Variants in FBXL18 observed in about 807,000 individuals in gnomAD.
The protein encoded by FBXL18 is F-box/LRR-repeat protein 18.
In FBXL18, 36 loss-of-function variants were observed where a neutral mutation model predicts 46.0. The ratio of observed to expected loss-of-function variants is 0.78; its 90% CI spans 0.60 to 1.03. The LOEUF (loss-of-function observed/expected upper bound fraction) is 1.03, where lower values mean the gene tolerates loss of function less well. FBXL18 is among the 50% of genes least tolerant of loss of function. The pLI, the probability that FBXL18 is intolerant of heterozygous loss-of-function variation, is 0.00. For synonymous variants in FBXL18, 557 were observed against 465.3 expected (o/e 1.20, Z -2.54); for missense variants, 977 against 1,004.1 (o/e 0.97, Z 0.36).
Position 5,501,562 on chromosome 7 carries a change from C to T in FBXL18, c.707G>A (p.Arg236His), listed in dbSNP as rs1382385351. 3 of 1,613,852 alleles carry T rather than the reference C, an allele frequency of 1.9e-6. No individual in the cohort carries two copies. The highest frequency in any genetic ancestry group is 1.7e-5 in the Admixed American group (1 of 60,014). Reference sequence around the variant, plus strand: ...CTGGTTGATGTAGCCGGGGGCCAGGCGCGCATAGAAGACCCGCAGGTTCTG... The same window carrying T: ...CTGGTTGATGTAGCCGGGGGCCAGGTGCGCATAGAAGACCCGCAGGTTCTG... ...HYQNLRVFYA[R>H]LAPGYINQEV... Residue 236 changes from arginine to histidine, a missense_variant, in exon 3 of 5, where the codon CGC (arginine) becomes CAC (histidine). Arg to His is a conservative substitution (Grantham distance 29). Transcript: ENST00000382368.
chr7:5,464,721 G>A (rs2128231332), intron 4 of FBXL18, among the ~76,000 whole-genome samples: 1 of 144,048 alleles, frequency 6.9e-6, no homozygotes, highest in Non-Finnish European at 1.5e-5. Context: ...AAAAAAGTGG[G>A]TGGGAGCATG....
rs192049463 is a variant in FBXL18 at position 5,497,336 on chromosome 7, A to G, written c.1781+3152T>C. The stretch of plus-strand genomic sequence containing the variant: ...TGGTTCTCCAGGATGCCTGGGTCAG[A>G]GCATGAATAACCACCCCGCTCCCCA... On this transcript the variant is annotated intron_variant, in intron 3 of 4. Coordinates refer to ENST00000382368, the MANE Select transcript of FBXL18 (RefSeq NM_024963.6). Among the ~76,000 whole-genome samples the G allele has an allele frequency of 6.9e-3, 1,047 of 152,248 alleles. 17 individuals are homozygous for G. Among genetic ancestry groups the G allele is most frequent in the African/African-American group, 0.024 (979 of 41,538 alleles).
intron 4 of FBXL18, among the ~76,000 whole-genome samples, chr7:5,488,083 G>C (rs7799970): frequency 0.52 from 79,530 of 152,162 alleles, 21,496 homozygotes; most frequent in East Asian, 0.7. Context: ...AAGAGCTGTG[G>C]AGCACCAGCC....
intron 3 of FBXL18, among the ~76,000 whole-genome samples, chr7:5,493,677 G>A (rs1412640074): frequency 2.2e-5 from 3 of 135,206 alleles, no homozygotes; most frequent in South Asian, 2.4e-4. Flanking sequence ...GCGTGCGTGC[G>A]TGCGTGCGTG....
chr7:5,513,722 C>A lies in FBXL18; in HGVS notation c.-48G>T, dbSNP rs1194439055. 1.3e-6 allele frequency: 2 copies of A among 1,586,048 alleles called. No homozygotes were observed. The highest frequency in any genetic ancestry group is 1.7e-6 in the Non-Finnish European group (2 of 1,166,902). Reference sequence around the variant, plus strand: ...GGCCGCGGGATCCGCAACCCCGTGCCTCCCACCTGCCCGGCTAGGGATGCT... The same window carrying A: ...GGCCGCGGGATCCGCAACCCCGTGCATCCCACCTGCCCGGCTAGGGATGCT... On this transcript the variant is annotated 5_prime_UTR_variant, in exon 1 of 5. In the 5' UTR this introduces an upstream ATG that the reference lacks. Transcript: ENST00000382368.
intron 4 of FBXL18, among the ~76,000 whole-genome samples, chr7:5,456,487 G>A (rs1783176337): frequency 1.3e-5 from 2 of 152,244 alleles, no homozygotes; most frequent in African/African-American, 4.8e-5. Context: ...AAGGGGCCCT[G>A]AGAGCAGGGA....
At chr7:5,498,239 C>A (rs973798133) in intron 3 of FBXL18, among the ~76,000 whole-genome samples, 1 of 151,974 alleles carries the variant, frequency 6.6e-6, no homozygotes, top group African/African-American at 2.4e-5. Flanking sequence ...AGGCGCCCAC[C>A]ACCACGCCCA....
intron 4 of FBXL18, among the ~76,000 whole-genome samples, chr7:5,485,354 CATA>C (rs1299525689): frequency 3.9e-5 from 6 of 152,170 alleles, no homozygotes; most frequent in Non-Finnish European, 8.8e-5. Context: ...CTGCTACGTA[CATA>C]ATGAGGCTCA....
chr7:5,486,496 T>A (rs1249246434), intron 4 of FBXL18, among the ~76,000 whole-genome samples: 1 of 148,196 alleles, frequency 6.7e-6, no homozygotes, highest in Admixed American at 6.7e-5. Flanking sequence ...TATAAAAAAA[T>A]GTAAAAATTA....
intron 4 of FBXL18, among the ~76,000 whole-genome samples, chr7:5,488,044 C>G (rs775631296): frequency 2.0e-5 from 3 of 152,262 alleles, no homozygotes; most frequent in Non-Finnish European, 4.4e-5. Context: ...GCGCCGGGCT[C>G]AGCTTGTGCC....
In FBXL18 at chr7:5,480,548, A is replaced by ATTTT. The variant is rs1180980635; in HGVS notation, c.*1223_*1226dup. On this transcript the variant is annotated 3_prime_UTR_variant, in exon 5 of 5. Transcript: ENST00000382368. ...GTTGAATATATATATATATATATAT[A>ATTTT]TTTTTTTTTTTTTTTTTTTTTTTTT... The ATTTT allele has an allele frequency of 2.5e-4, 10 of 40,334 alleles. No homozygotes were observed. Among genetic ancestry groups the ATTTT allele is most frequent in the Admixed American group, 7.5e-4 (2 of 2,680 alleles). 2.5% of individuals were successfully genotyped at this position (40,334 alleles called of 1,614,324 possible). A position where few individuals can be genotyped will look rare whatever the true frequency, so the allele number is the denominator to read the frequency against.
chr7:5,513,304 A>G (rs1278776909), intron 1 of FBXL18, among the ~76,000 whole-genome samples: 1 of 151,544 alleles, frequency 6.6e-6, no homozygotes, highest in Non-Finnish European at 1.5e-5. Context: ...GTGGGCACGG[A>G]GGGGGAATGT....
At chr7:5,487,353 A>G (rs1173193343) in intron 4 of FBXL18, among the ~76,000 whole-genome samples, 1 of 152,236 alleles carries the variant, frequency 6.6e-6, no homozygotes, top group Non-Finnish European at 1.5e-5. Flanking sequence ...TGGGAAGAGA[A>G]AGGCTTTCAG....
intron 1 of FBXL18, among the ~76,000 whole-genome samples, chr7:5,506,790 C>T (rs1413766234): frequency 1.3e-5 from 2 of 152,156 alleles, no homozygotes; most frequent in Admixed American, 1.3e-4. Context: ...CTCCTGGCTT[C>T]GAGTGATCTG....
intron 4 of FBXL18, among the ~76,000 whole-genome samples, chr7:5,467,546 CA>C (rs1257961042): frequency 2.3e-3 from 273 of 119,162 alleles, no homozygotes; most frequent in Admixed American, 2.3e-3. Context: ...ACTCCGTCTC[CA>C]AAAAAAAAAA....
chr7:5,465,161 G>A (rs981225714), intron 4 of FBXL18, among the ~76,000 whole-genome samples: 1 of 152,088 alleles, frequency 6.6e-6, no homozygotes, highest in Admixed American at 6.6e-5. Flanking sequence ...TCAATAGACT[G>A]TGAACTATTT....
intron 4 of FBXL18, chr7:5,489,519 C>A (rs959648196): frequency 3.0e-6 from 1 of 329,960 alleles, no homozygotes; most frequent in Non-Finnish European, 5.9e-6. Context: ...GCCTGTAATC[C>A]CAGCACTTTG....
chr7:5,497,175 C>G (rs535696553), intron 3 of FBXL18, among the ~76,000 whole-genome samples: 1 of 151,858 alleles, frequency 6.6e-6, no homozygotes, highest in African/African-American at 2.4e-5. Flanking sequence ...GCACTCCGGT[C>G]TGGGAGACAG....
chr7:5,456,717 G>A (rs1783180370), intron 4 of FBXL18, among the ~76,000 whole-genome samples: 2 of 151,968 alleles, frequency 1.3e-5, no homozygotes, highest in Admixed American at 6.6e-5. Flanking sequence ...TGGGAGGTGA[G>A]AAGGGATGGC....
Sources: gnomAD v4.1 joint callset for allele counts (sites outside exome capture counted in the v4.1 genomes callset) on GRCh38, gnomAD v4.1.1 for gene constraint, MANE v1.5 for transcripts, NCBI Gene and HGNC (gene_info 2026-07-23, HGNC 2026-07-21) for gene names.